Variants in MED12L observed in about 807,000 individuals in gnomAD.
MED12L encodes the protein mediator of RNA polymerase II transcription subunit 12-like protein.
A neutral mutation model predicts 281.3 loss-of-function variants in MED12L; 60 were observed. The observed-to-expected ratio is 0.21, with a 90% CI of 0.17 to 0.26. The LOEUF (loss-of-function observed/expected upper bound fraction) is 0.26. Among genes scored for constraint, MED12L ranks in the 10% least tolerant of loss-of-function variants. The pLI is 1.00. For synonymous variants in MED12L, 974 were observed against 987.2 expected (o/e 0.99, Z 0.25); for missense variants, 2,146 against 2,680.9 (o/e 0.80, Z 4.41).
chr3:151,416,240 T>TG, intron 42 of MED12L, 72 bp from the exon 43 acceptor site: 1 of 1,611,504 alleles, frequency 6.2e-7, no homozygotes, highest in Non-Finnish European at 8.5e-7. Context: ...AAAAGGTATA[T>TG]GGGGGAAACA....
At chr3:151,422,272 A>G (rs9839887) in intron 43 of MED12L, among the ~76,000 whole-genome samples, 19,820 of 152,134 alleles carry the variant, frequency 0.13, 1,787 homozygotes, top group East Asian at 0.43. Context: ...GAACTCCCTA[A>G]CAAAGTACGC....
chr3:151,278,434 G>A (rs965943238), intron 16 of MED12L: 5 of 152,210 alleles, frequency 3.3e-5, no homozygotes, highest in Admixed American at 2.0e-4. Flanking sequence ...CCACAAGATA[G>A]TGGGTCCCTC....
At chr3:151,135,167 A>G (rs1715963967) in intron 5 of MED12L, among the ~76,000 whole-genome samples, 1 of 152,138 alleles carries the variant, frequency 6.6e-6, no homozygotes, top group Non-Finnish European at 1.5e-5. Context: ...CTGGGATTAC[A>G]GGCACCTGCC....
chr3:151,159,149 G>C (rs966441517), intron 7 of MED12L, among the ~76,000 whole-genome samples: 1 of 152,106 alleles, frequency 6.6e-6, no homozygotes, highest in African/African-American at 2.4e-5. Flanking sequence ...TTGAAGATAG[G>C]GGATCTTCTA....
chr3:151,266,901 T>C (rs1739939715), intron 16 of MED12L, among the ~76,000 whole-genome samples: 2 of 152,242 alleles, frequency 1.3e-5, no homozygotes, highest in South Asian at 4.1e-4. Flanking sequence ...GTAACTTTTA[T>C]AAACCCCCAC....
At chr3:151,319,450 GGTGTGTGT>G (rs745624176) in intron 16 of MED12L, among the ~76,000 whole-genome samples, 6 of 126,934 alleles carry the variant, frequency 4.7e-5, no homozygotes, top group African/African-American at 1.8e-4. Flanking sequence ...AGAACATCCA[GGTGTGTGT>G]GTGTGTGTGC....
chr3:151,421,938 T>C (rs1345032396), intron 43 of MED12L, among the ~76,000 whole-genome samples: 2 of 152,166 alleles, frequency 1.3e-5, no homozygotes, highest in African/African-American at 4.8e-5. Flanking sequence ...TGTTTTGGGG[T>C]TCTGATTCAT....
intron 5 of MED12L, among the ~76,000 whole-genome samples, chr3:151,143,146 C>T (rs1187473020): frequency 6.6e-6 from 1 of 152,188 alleles, no homozygotes; most frequent in Admixed American, 6.5e-5. Context: ...CGGGGTGGAT[C>T]TGGCTGGTCT....
At chr3:151,207,469 T>C (rs1726532783) in intron 16 of MED12L, among the ~76,000 whole-genome samples, 1 of 148,032 alleles carries the variant, frequency 6.8e-6, no homozygotes, top group African/African-American at 2.5e-5. Flanking sequence ...GCTTGGGGGA[T>C]GACACAGATA....
chr3:151,356,166 G>A (rs763882957), intron 19 of MED12L, 127 bp downstream of exon 19: 63 of 901,534 alleles, frequency 7.0e-5, no homozygotes, highest in East Asian at 6.3e-4. Flanking sequence ...TTGGGAGGCC[G>A]AGGTAGGAGG....
At chr3:151,430,182 T>C (rs1719317798) in intron 43 of MED12L, 117 bp from the exon 44 acceptor site, 6 of 1,435,934 alleles carry the variant, frequency 4.2e-6, no homozygotes, top group South Asian at 1.4e-5. Flanking sequence ...GTCATAGCCC[T>C]TTTTTCGTGA....
At chr3:151,381,107 T>C (rs1712255492) in intron 32 of MED12L, among the ~76,000 whole-genome samples, 1 of 152,210 alleles carries the variant, frequency 6.6e-6, no homozygotes, top group Non-Finnish European at 1.5e-5. Flanking sequence ...CAACAGAAAT[T>C]GGAGAGCATG....
At chr3:151,363,329 G>A (rs532834314) in intron 21 of MED12L, among the ~76,000 whole-genome samples, 1 of 152,294 alleles carries the variant, frequency 6.6e-6, no homozygotes, top group South Asian at 2.1e-4. Flanking sequence ...ATTTCTATCA[G>A]TATGCTGATA....
chr3:151,233,681 C>G (rs969707012), intron 16 of MED12L, among the ~76,000 whole-genome samples: 1 of 152,180 alleles, frequency 6.6e-6, no homozygotes, highest in African/African-American at 2.4e-5. Context: ...TGTGGTGAGC[C>G]GAGATCGTGC....
intron 16 of MED12L, among the ~76,000 whole-genome samples, chr3:151,246,573 G>C (rs1735540060): frequency 6.6e-6 from 1 of 152,128 alleles, no homozygotes; most frequent in Non-Finnish European, 1.5e-5. Context: ...GCCATATGTA[G>C]AAAGCTGAAA....
At position 151,233,550 on chromosome 3, in the gene MED12L, A is replaced by G. The variant is rs113429808; in HGVS notation, c.2250+39884A>G. ...GGAGTTTGAGACCAGCCTGACCAAC[A>G]TGGAGAAACCCTGTCTCTACTAAAA... On this transcript the variant is annotated intron_variant, in intron 16 of 44. Coordinates refer to ENST00000687756, the MANE Select transcript of MED12L (RefSeq NM_001393769.1). 7.4e-4 allele frequency among the ~76,000 whole-genome samples: 113 copies of G among 152,300 alleles called. 1 individual carries two copies. The highest frequency in any genetic ancestry group is 2.5e-3 in the African/African-American group (106 of 41,570).
chr3:151,360,651 G>T, intron 21 of MED12L, 46 bp downstream of exon 21: 1 of 1,532,932 alleles, frequency 6.5e-7, no homozygotes, highest in East Asian at 2.3e-5. Context: ...TCATGCCTAT[G>T]TTTGTTAGTG....
intron 12 of MED12L, 103 bp from the exon 13 acceptor site, chr3:151,188,249 CAT>C (rs1327716473): frequency 3.8e-6 from 3 of 782,400 alleles, no homozygotes; most frequent in Non-Finnish European, 6.1e-6. Flanking sequence ...ATTAATTTTA[CAT>C]GTTTTACCTG....
intron 43 of MED12L, among the ~76,000 whole-genome samples, chr3:151,420,560 A>G (rs975432898): frequency 6.6e-6 from 1 of 152,160 alleles, no homozygotes; most frequent in Non-Finnish European, 1.5e-5. Context: ...AAACAGTACT[A>G]TATATTGGAT....
Sources: allele counts gnomAD v4.1 joint callset (sites outside exome capture counted in the v4.1 genomes callset), GRCh38; gene constraint gnomAD v4.1.1; transcripts MANE v1.5; gene names NCBI Gene and HGNC (gene_info 2026-07-23, HGNC 2026-07-21).